SPAG9: variants seen among roughly 807,000 people sequenced by gnomAD.
The protein encoded by SPAG9 is sperm associated antigen 9.
In SPAG9, 35 loss-of-function variants were observed where a neutral mutation model predicts 166.5. That is an observed-to-expected ratio of 0.21 (90% CI 0.16 to 0.28). The LOEUF (loss-of-function observed/expected upper bound fraction) is 0.28, where lower values mean the gene tolerates loss of function less well. Among genes scored for constraint, SPAG9 ranks in the 10% least tolerant of loss-of-function variants. The pLI, the probability that SPAG9 is intolerant of heterozygous loss-of-function variation, is 1.00. For synonymous variants in SPAG9, 534 were observed against 565.5 expected (o/e 0.94, Z 0.79); for missense variants, 1,235 against 1,603.3 (o/e 0.77, Z 3.92).
chr17:51,063,411 CAAA>C (rs143437430), intron 2 of SPAG9, among the ~76,000 whole-genome samples: 2 of 98,072 alleles, frequency 2.0e-5, no homozygotes, highest in Non-Finnish European at 2.2e-5. Context: ...GACTACATCT[CAAA>C]AAAAAAAAAA....
chr17:51,060,505 TAAAAAAAAAAAA>T (rs35700642), intron 2 of SPAG9, among the ~76,000 whole-genome samples: 2 of 101,490 alleles, frequency 2.0e-5, no homozygotes, highest in East Asian at 4.9e-4. Flanking sequence ...TTTGTCTTTT[TAAAAAAAAAAAA>T]AAAAAAAAAA....
intron 3 of SPAG9, among the ~76,000 whole-genome samples, chr17:51,050,953 GA>G (rs1212703953): frequency 1.3e-5 from 2 of 148,890 alleles, no homozygotes; most frequent in African/African-American, 5.0e-5. Context: ...AGAGAGGAAG[GA>G]AGAAAGGAAA....
chr17:51,089,663 T>TATATATATATACACACAC (rs1403230293), intron 1 of SPAG9, among the ~76,000 whole-genome samples: 3 of 78,306 alleles, frequency 3.8e-5, no homozygotes, highest in African/African-American at 1.3e-4. Context: ...TATATATATA[T>TATATATATATACACACAC]ACACATACAC....
At chr17:50,995,719 T>C in intron 16 of SPAG9, 186 bp from the exon 17 acceptor site, 2 of 559,334 alleles carry the variant, frequency 3.6e-6, no homozygotes, top group Middle Eastern at 4.4e-4. Flanking sequence ...TAGAGTGCAG[T>C]GGCTTGATCA....
At chr17:50,984,393 T>C (rs904827718) in intron 24 of SPAG9, among the ~76,000 whole-genome samples, 1 of 152,094 alleles carries the variant, frequency 6.6e-6, no homozygotes, top group Admixed American at 6.6e-5. Flanking sequence ...TATCACATTA[T>C]TTAAAAGTAC....
At chr17:50,969,058 G>C (rs1973573670) in intron 29 of SPAG9, among the ~76,000 whole-genome samples, 1 of 151,868 alleles carries the variant, frequency 6.6e-6, no homozygotes, top group Admixed American at 6.6e-5. Context: ...TCAGCCTCCT[G>C]AATAGCTGGG....
Position 51,112,671 on chromosome 17 carries a change from C to CAAAA in SPAG9, c.303+7679_303+7682dup, listed in dbSNP as rs1206604151. ...GCGACAGAGCCAGACTCTGTCTCAA[C>CAAAA]AAAAAAAAAAAAAAAAAAAAAAAAA... On this transcript the variant is annotated intron_variant, in intron 1 of 29. Transcript: ENST00000262013. 3.5e-3 allele frequency among the ~76,000 whole-genome samples: 146 copies of CAAAA among 41,392 alleles called. 15 individuals carry two copies. The highest frequency in any genetic ancestry group is 0.014 in the East Asian group (14 of 968). The allele number at this position is 41,392 out of a possible 152,430, so 27.2% of individuals were successfully genotyped here. A position where few individuals can be genotyped will look rare whatever the true frequency, so the allele number is the denominator to read the frequency against.
chr17:51,089,973 G>A (rs955998273), intron 1 of SPAG9, among the ~76,000 whole-genome samples: 22 of 151,146 alleles, frequency 1.5e-4, no homozygotes, highest in Admixed American at 4.6e-4. Context: ...CACCGTGCCC[G>A]GCCATATATA....
rs1491529465 is a variant in SPAG9, at chr17:51,053,854, A to AAT, written c.495+2557_495+2558insAT. 1.4e-3 allele frequency among the ~76,000 whole-genome samples: 49 copies of AAT among 34,444 alleles called. 1 individual carries two copies. The highest frequency in any genetic ancestry group is 3.9e-3 in the South Asian group (4 of 1,038). The allele number at this position is 34,444 out of a possible 152,430, so 22.6% of individuals were successfully genotyped here. ...CCCTAATTAAAAAAAAAAAAAAAAA[A>AAT]GTATATATATATATATATATATATA... On this transcript the variant is annotated intron_variant, in intron 3 of 29. Coordinates refer to ENST00000262013, the MANE Select transcript of SPAG9 (RefSeq NM_001130528.3).
chr17:50,971,309 A>C (rs1455842498), intron 28 of SPAG9, among the ~76,000 whole-genome samples: 1 of 149,802 alleles, frequency 6.7e-6, no homozygotes, highest in Non-Finnish European at 1.5e-5. Context: ...TTGCTTCTAA[A>C]AAACAAACAA....
chr17:51,007,532 AT>A (rs2045277899), intron 9 of SPAG9, among the ~76,000 whole-genome samples: 1 of 152,052 alleles, frequency 6.6e-6, no homozygotes, highest in African/African-American at 2.4e-5. Context: ...AAGGCTAAAG[AT>A]TTTGTTGGCC....
At chr17:51,093,261 G>A (rs977484133) in intron 1 of SPAG9, among the ~76,000 whole-genome samples, 2 of 151,916 alleles carry the variant, frequency 1.3e-5, no homozygotes, top group East Asian at 3.9e-4. Context: ...TATCAGTGGT[G>A]TTTAATATGA....
At chr17:51,022,724 G>T (rs1021936055) in intron 6 of SPAG9, among the ~76,000 whole-genome samples, 1 of 151,498 alleles carries the variant, frequency 6.6e-6, no homozygotes, top group South Asian at 2.1e-4. Flanking sequence ...CGAGGCAGGC[G>T]GATCACCTGA....
chr17:51,047,506 G>T, intron 3 of SPAG9, 37 bp from the exon 4 acceptor site: 1 of 951,682 alleles, frequency 1.1e-6, no homozygotes, highest in Admixed American at 2.3e-5. Context: ...AATATTTAAG[G>T]CTAATACCTG....
chr17:51,101,587 T>C (rs2048809278), intron 1 of SPAG9, among the ~76,000 whole-genome samples: 2 of 151,874 alleles, frequency 1.3e-5, no homozygotes, highest in South Asian at 4.1e-4. Context: ...TAATTAAAAC[T>C]AGAAATTTGA....
chr17:50,984,197 T>C (rs1285339477), intron 24 of SPAG9, among the ~76,000 whole-genome samples: 1 of 152,070 alleles, frequency 6.6e-6, no homozygotes, highest in African/African-American at 2.4e-5. Context: ...GATGAAACAA[T>C]GGTTTTAAAG....
chr17:51,060,604 A>G (rs575543998), intron 2 of SPAG9, among the ~76,000 whole-genome samples: 3 of 151,912 alleles, frequency 2.0e-5, no homozygotes, highest in Admixed American at 2.0e-4. Context: ...TGGTATCCTT[A>G]TAACAGCAAG....
At chr17:51,107,437 A>C (rs1275751310) in intron 1 of SPAG9, among the ~76,000 whole-genome samples, 1 of 151,352 alleles carries the variant, frequency 6.6e-6, no homozygotes, top group Non-Finnish European at 1.5e-5. Flanking sequence ...AAGAGAAAAC[A>C]CACTTTAAAG....
chr17:51,111,073 G>A (rs1009039675), intron 1 of SPAG9, among the ~76,000 whole-genome samples: 4 of 151,040 alleles, frequency 2.6e-5, no homozygotes, highest in South Asian at 4.2e-4. Context: ...CCGAGATCCC[G>A]CCACTGCACT....
Sources: allele counts gnomAD v4.1 joint callset (sites outside exome capture counted in the v4.1 genomes callset), GRCh38; gene constraint gnomAD v4.1.1; transcripts MANE v1.5; gene names NCBI Gene and HGNC (gene_info 2026-07-23, HGNC 2026-07-21).